Variants in GPT2 observed in about 807,000 individuals in gnomAD.
GPT2 encodes the protein alanine aminotransferase 2.
A neutral mutation model predicts 56.9 loss-of-function variants in GPT2; 30 were observed. The observed-to-expected ratio is 0.53, with a 90% confidence interval of 0.39 to 0.72. The LOEUF is 0.72. Ranked by LOEUF, GPT2 falls within the 30% of genes least tolerant of loss-of-function variation. GPT2 has a pLI of 0.00. For missense variants in GPT2, 542 were observed against 703.4 expected (o/e 0.77, Z 2.60); for synonymous variants, 271 against 283.1 (o/e 0.96, Z 0.43).
chr16:46,923,551 C>T (rs978503114), intron 9 of GPT2, among the ~76,000 whole-genome samples: 1 of 152,242 alleles, frequency 6.6e-6, no homozygotes. Context: ...TGTGTTGTGG[C>T]CCGTGTCGTG....
At chr16:46,927,736 T>C (rs1017796123) in intron 11 of GPT2, among the ~76,000 whole-genome samples, 1 of 151,908 alleles carries the variant, frequency 6.6e-6, no homozygotes. Context: ...TGTCCCCTGA[T>C]GGACAAACCT....
At chr16:46,911,264 A>G (rs1201504898) in intron 6 of GPT2, among the ~76,000 whole-genome samples, 1 of 152,126 alleles carries the variant, frequency 6.6e-6, no homozygotes, top group Admixed American at 6.6e-5. Flanking sequence ...CTGCCTTCAT[A>G]TGCCCCCAGT....
chr16:46,929,407 C>A lies in GPT2; in HGVS notation c.*410C>A, dbSNP rs963858839. On this transcript the variant is annotated 3_prime_UTR_variant, in exon 12 of 12. Coordinates refer to ENST00000340124, the MANE Select transcript of GPT2 (RefSeq NM_133443.4). Reference sequence around the variant, plus strand: ...GGAAATCCAAACTCACCACCATGATCTGTGAAATAAAGCCCTTAGCGGTGT... The same window carrying A: ...GGAAATCCAAACTCACCACCATGATATGTGAAATAAAGCCCTTAGCGGTGT... The A allele has an allele frequency of 7.3e-5, 16 of 220,354 alleles. No homozygotes were observed. The highest frequency in any genetic ancestry group is 1.4e-4 in the Non-Finnish European group (15 of 107,524). 13.6% of individuals were successfully genotyped at this position (220,354 alleles called of 1,614,324 possible).
chr16:46,922,155 GAAT>G, intron 8 of GPT2, 84 bp from the exon 9 acceptor site: 1 of 1,311,438 alleles, frequency 7.6e-7, no homozygotes, highest in South Asian at 1.2e-5. Context: ...TTGGGTGTGG[GAAT>G]GCTTTCGATT....
intron 4 of GPT2, among the ~76,000 whole-genome samples, chr16:46,904,157 G>A (rs1007695535): frequency 1.3e-5 from 2 of 152,192 alleles, no homozygotes; most frequent in Non-Finnish European, 2.9e-5. Context: ...AAGGTGCTCC[G>A]AGAGAAATGC....
At position 46,896,866 on chromosome 16, in the gene GPT2, G is replaced by A. The variant is rs879447847; in HGVS notation, c.244-782G>A. On this transcript the variant is annotated intron_variant, in intron 2 of 11. Coordinates refer to ENST00000340124, the MANE Select transcript of GPT2 (RefSeq NM_133443.4). ...GTTAAGAAGAGTGACCTTGGAATCC[G>A]TCTTCCTGTACTTATATTCATTCCC... Among the ~76,000 whole-genome samples the A allele has an allele frequency of 3.9e-5, 6 of 152,228 alleles. No individual in the cohort carries two copies. In the South Asian group the frequency reaches 6.2e-4, roughly 16 times the overall value.
chr16:46,909,654 G>A (rs1197635929), intron 5 of GPT2, 30 bp from the exon 6 acceptor site: 47 of 1,603,408 alleles, frequency 2.9e-5, no homozygotes, highest in Non-Finnish European at 3.5e-5. Context: ...AAGTAGTGCT[G>A]GCTTTCTAGA....
rs557523291 is a variant in GPT2, at chr16:46,930,185, C to T, written c.*1188C>T. On this transcript the variant is annotated 3_prime_UTR_variant, in exon 12 of 12. Coordinates refer to ENST00000340124, the MANE Select transcript of GPT2 (RefSeq NM_133443.4). ...CTCTGACCTGTGGCATCAGGCTTCT[C>T]CCAGTACAGGAGGGTGCCATCCCCC... 1 of 152,766 alleles carries T rather than the reference C, an allele frequency of 6.5e-6. No individual in the cohort carries two copies. The highest frequency in any genetic ancestry group is 2.4e-5 in the African/African-American group (1 of 41,484). The allele number at this position is 152,766 out of a possible 1,614,324, so 9.5% of individuals were successfully genotyped here.
chr16:46,902,053 G>C (rs1960830043), intron 4 of GPT2, among the ~76,000 whole-genome samples: 1 of 152,246 alleles, frequency 6.6e-6, no homozygotes, highest in African/African-American at 2.4e-5. Context: ...GAGAGGCAGG[G>C]GGAGGGGAAT....
At chr16:46,922,138 T>G in intron 8 of GPT2, 104 bp from the exon 9 acceptor site, 2 of 1,053,144 alleles carry the variant, frequency 1.9e-6, no homozygotes, top group Non-Finnish European at 2.8e-6. Context: ...CACCTGGCCA[T>G]TTGGTGTTGG....
intron 4 of GPT2, among the ~76,000 whole-genome samples, chr16:46,905,121 A>G (rs867841928): frequency 3.3e-5 from 5 of 151,504 alleles, no homozygotes; most frequent in African/African-American, 1.2e-4. Context: ...CAGTGGCGCA[A>G]TCTTGGCTCA....
In GPT2 at chr16:46,884,817, G is replaced by A; in HGVS notation, c.102G>A (p.Val34=). 6.5e-7 allele frequency: 1 copy of A among 1,535,788 alleles called. No homozygotes were observed. Among genetic ancestry groups the A allele is most frequent in the Non-Finnish European group, 8.8e-7 (1 of 1,141,726 alleles). Residue 34 remains valine, a synonymous_variant, in exon 2 of 12, where the codon GTG becomes GTA. Transcript: ENST00000340124. ...QSSAAAEASA[V]LKVRPERSRR... is the part of the protein sequence containing the mutation. Reference sequence around the variant, plus strand: ...GCGCGGCCGCCGAGGCCTCGGCGGTGCTCAAGGTGCGGCCCGAGCGCAGCC... The same window carrying A: ...GCGCGGCCGCCGAGGCCTCGGCGGTACTCAAGGTGCGGCCCGAGCGCAGCC...
At chr16:46,904,514 A>G (rs571376265) in intron 4 of GPT2, among the ~76,000 whole-genome samples, 1 of 152,346 alleles carries the variant, frequency 6.6e-6, no homozygotes, top group Middle Eastern at 3.4e-3. Context: ...GAGACAGACT[A>G]GAAATGAGCC....
chr16:46,902,344 CT>C (rs1960835295), intron 4 of GPT2, among the ~76,000 whole-genome samples: 1 of 152,150 alleles, frequency 6.6e-6, no homozygotes, highest in Admixed American at 6.5e-5. Flanking sequence ...CCAGGAAGTA[CT>C]TTGTACCCAC....
intron 2 of GPT2, among the ~76,000 whole-genome samples, chr16:46,895,424 C>A (rs906401688): frequency 3.0e-4 from 45 of 151,946 alleles, no homozygotes; most frequent in Non-Finnish European, 4.4e-4. Flanking sequence ...ACTTGGGAGG[C>A]TGAGGCATGA....
intron 4 of GPT2, among the ~76,000 whole-genome samples, chr16:46,901,891 T>C (rs1054811338): frequency 6.6e-6 from 1 of 152,194 alleles, no homozygotes; most frequent in African/African-American, 2.4e-5. Flanking sequence ...TGCCAAGACC[T>C]AAACCACAGG....
intron 6 of GPT2, among the ~76,000 whole-genome samples, chr16:46,913,983 G>A (rs141477401): frequency 2.9e-4 from 44 of 152,268 alleles, no homozygotes; most frequent in Non-Finnish European, 5.7e-4. Flanking sequence ...CACACACTTA[G>A]ATATATATGT....
In GPT2 at chr16:46,884,814, G is replaced by A. The variant is rs1960449860; in HGVS notation, c.99G>A (p.Ala33=). Residue 33 remains alanine, a synonymous_variant, in exon 2 of 12, where the codon GCG becomes GCA. Coordinates refer to ENST00000340124, the MANE Select transcript of GPT2 (RefSeq NM_133443.4). The stretch of plus-strand genomic sequence containing the variant: ...GCAGCGCGGCCGCCGAGGCCTCGGC[G>A]GTGCTCAAGGTGCGGCCCGAGCGCA... ...SQSSAAAEAS[A]VLKVRPERSR... The A allele has an allele frequency of 3.3e-6, 5 of 1,527,482 alleles. No homozygotes were observed. Among genetic ancestry groups the A allele is most frequent in the South Asian group, 1.2e-5 (1 of 81,338 alleles). 94.6% of individuals were successfully genotyped at this position (1,527,482 alleles called of 1,614,324 possible). A position where few individuals can be genotyped will look rare whatever the true frequency, so the allele number is the denominator to read the frequency against.
At chr16:46,914,910 A>G (rs914973526) in intron 6 of GPT2, among the ~76,000 whole-genome samples, 3 of 151,936 alleles carry the variant, frequency 2.0e-5, no homozygotes, top group African/African-American at 7.3e-5. Flanking sequence ...CTGCAGTTGT[A>G]TTTTCCTGCT....
Sources: gnomAD v4.1 joint callset for allele counts (sites outside exome capture counted in the v4.1 genomes callset) on GRCh38, gnomAD v4.1.1 for gene constraint, MANE v1.5 for transcripts, NCBI Gene and HGNC (gene_info 2026-07-23, HGNC 2026-07-21) for gene names.